EYS: variants seen among roughly 807,000 people sequenced by gnomAD.
EYS encodes the protein protein eyes shut homolog.
EYS carries 250 observed loss-of-function variants against 282.1 expected under a neutral mutation model. The observed-to-expected ratio is 0.89, with a 90% CI of 0.80 to 0.98. The LOEUF is 0.98. EYS is among the 50% of genes least tolerant of loss of function. The probability of loss-of-function intolerance (pLI) is 0.00; values close to 1 mark genes in which losing one functional copy is unlikely to be tolerated. For synonymous variants in EYS, 1,355 were observed against 1,282.9 expected (o/e 1.06, Z -1.20); for missense variants, 4,016 against 3,709.0 (o/e 1.08, Z -2.15).
intron 30 of EYS, among the ~76,000 whole-genome samples, chr6:64,239,934 G>A (rs1018796900): frequency 1.3e-5 from 2 of 152,086 alleles, no homozygotes; most frequent in Admixed American, 6.6e-5. Context: ...TTTTGTATAA[G>A]GCGTAAGGAA....
At chr6:65,311,370 A>G (rs1674788531) in intron 11 of EYS, among the ~76,000 whole-genome samples, 1 of 152,154 alleles carries the variant, frequency 6.6e-6, no homozygotes, top group Non-Finnish European at 1.5e-5. Flanking sequence ...ATATTTCACA[A>G]TTAGCTGCTT....
At chr6:64,647,061 C>T (rs1768379900) in intron 22 of EYS, among the ~76,000 whole-genome samples, 1 of 152,076 alleles carries the variant, frequency 6.6e-6, no homozygotes, top group Non-Finnish European at 1.5e-5. Flanking sequence ...AAAGAAACCA[C>T]TTACTGTGTA....
chr6:63,727,119 T>C (rs1274998987), intron 41 of EYS, among the ~76,000 whole-genome samples: 8 of 152,186 alleles, frequency 5.3e-5, no homozygotes, highest in Non-Finnish European at 1.2e-4. Flanking sequence ...CAGAGTATAA[T>C]TGAGTCAGGA....
At chr6:65,298,760 GATT>G (rs1768733848) in intron 11 of EYS, among the ~76,000 whole-genome samples, 2 of 150,910 alleles carry the variant, frequency 1.3e-5, no homozygotes, top group Admixed American at 1.3e-4. Flanking sequence ...TCTCAAAAAT[GATT>G]ATATCTTAGT....
intron 19 of EYS, among the ~76,000 whole-genome samples, chr6:64,865,686 G>A (rs1362134997): frequency 2.6e-5 from 4 of 151,948 alleles, no homozygotes; most frequent in African/African-American, 9.7e-5. Context: ...TTAAAATTAT[G>A]TTCATTTTTT....
At chr6:65,034,891 C>A (rs1307307718) in intron 13 of EYS, among the ~76,000 whole-genome samples, 7 of 152,010 alleles carry the variant, frequency 4.6e-5, no homozygotes, top group Non-Finnish European at 1.0e-4. Flanking sequence ...TTACCGATAC[C>A]TCACAAAGAA....
At chr6:64,541,961 T>C (rs903103539) in intron 26 of EYS, among the ~76,000 whole-genome samples, 10 of 152,198 alleles carry the variant, frequency 6.6e-5, no homozygotes, top group Admixed American at 6.5e-4. Flanking sequence ...CATTTAAAAA[T>C]GTGGTTCATC....
chr6:65,376,991 C>G (rs1419075347), intron 8 of EYS, among the ~76,000 whole-genome samples: 1 of 152,126 alleles, frequency 6.6e-6, no homozygotes, highest in African/African-American at 2.4e-5. Context: ...CAAGGATATT[C>G]AGGACTTGAA....
At chr6:64,646,769 C>T (rs1768369188) in intron 22 of EYS, among the ~76,000 whole-genome samples, 1 of 150,896 alleles carries the variant, frequency 6.6e-6, no homozygotes. Context: ...TGCGCCACTG[C>T]ACTCCAGCTC....
intron 5 of EYS, among the ~76,000 whole-genome samples, chr6:65,428,020 T>C (rs1294036935): frequency 6.6e-6 from 1 of 152,082 alleles, no homozygotes; most frequent in Non-Finnish European, 1.5e-5. Flanking sequence ...TAACACGTTA[T>C]ACATAATAAG....
intron 28 of EYS, among the ~76,000 whole-genome samples, chr6:64,426,599 A>G (rs1438160871): frequency 6.6e-6 from 1 of 152,094 alleles, no homozygotes; most frequent in Admixed American, 6.6e-5. Context: ...ATAATACAAG[A>G]AAATAAAGGT....
rs915674620 is a variant in EYS at position 65,331,665 on chromosome 6, A to T, written c.1766+3315T>A. 6.1e-6 allele frequency: 6 copies of T among 979,734 alleles called. No homozygotes were observed. In the African/African-American group the frequency reaches 1.1e-4, roughly 17 times the overall value. The allele number at this position is 979,734 out of a possible 1,614,324, so 60.7% of individuals were successfully genotyped here. On this transcript the variant is annotated intron_variant, in intron 11 of 42. Coordinates refer to ENST00000503581, the MANE Select transcript of EYS (RefSeq NM_001142800.2). ...ACAAAATCAGAAAAAAGGAAATAAC[A>T]TCACAAAACGAAGGATAATTTTCTT... is the stretch of plus-strand genomic sequence containing the variant.
chr6:64,973,505 T>G (rs973273938), intron 14 of EYS, among the ~76,000 whole-genome samples: 4 of 152,094 alleles, frequency 2.6e-5, no homozygotes, highest in African/African-American at 9.7e-5. Context: ...GAAAATAGTT[T>G]ACTTTTCTCT....
chr6:63,864,435 C>T, intron 35 of EYS, 77 bp from the exon 36 acceptor site: 3 of 985,388 alleles, frequency 3.0e-6, no homozygotes, highest in Non-Finnish European at 4.4e-6. Flanking sequence ...TATACACATG[C>T]ATGAACACAT....
At chr6:64,720,339 C>A (rs1223695253) in intron 22 of EYS, among the ~76,000 whole-genome samples, 1 of 152,108 alleles carries the variant, frequency 6.6e-6, no homozygotes, top group Non-Finnish European at 1.5e-5. Context: ...TCAGTTCTAC[C>A]CAGATTATCC....
chr6:63,794,283 A>G (rs1366027474), intron 37 of EYS, among the ~76,000 whole-genome samples: 2 of 152,108 alleles, frequency 1.3e-5, no homozygotes, highest in African/African-American at 4.8e-5. Flanking sequence ...TGTGTACCTT[A>G]TTTCATTCCC....
intron 26 of EYS, among the ~76,000 whole-genome samples, chr6:64,569,250 A>C (rs150048478): frequency 1.0e-3 from 159 of 152,096 alleles, no homozygotes; most frequent in African/African-American, 3.7e-3. Flanking sequence ...CCTTGAAAAA[A>C]GGTTAGCGGG....
At position 65,217,054 on chromosome 6, in the gene EYS, T is replaced by C. The variant is rs924970830; in HGVS notation, c.2023+78809A>G. Among the ~76,000 whole-genome samples, 7 of 152,188 alleles carry C rather than the reference T, an allele frequency of 4.6e-5. 1 individual carries two copies. The highest frequency in any genetic ancestry group is 4.6e-4 in the Admixed American group (7 of 15,284). ...CCTCAGCAATACTGCTTAATACTTATGGTCCATTAAGCAAGACCAGGTGAA... is the reference window on the plus strand; with the variant it reads ...CCTCAGCAATACTGCTTAATACTTACGGTCCATTAAGCAAGACCAGGTGAA... On this transcript the variant is annotated intron_variant, in intron 12 of 42. Transcript: ENST00000503581.
intron 2 of EYS, among the ~76,000 whole-genome samples, chr6:65,503,607 T>C (rs1766540153): frequency 6.6e-6 from 1 of 151,742 alleles, no homozygotes; most frequent in South Asian, 2.1e-4. Flanking sequence ...ATGTAATTCA[T>C]TTTGATCAAA....
Sources: gnomAD v4.1 joint callset for allele counts (sites outside exome capture counted in the v4.1 genomes callset) on GRCh38, gnomAD v4.1.1 for gene constraint, MANE v1.5 for transcripts, NCBI Gene and HGNC (gene_info 2026-07-23, HGNC 2026-07-21) for gene names.